Variants in N4BP2 observed in about 807,000 individuals in gnomAD.
The protein encoded by N4BP2 is NEDD4-binding protein 2.
In N4BP2, 91 loss-of-function variants were observed where a neutral mutation model predicts 152.8. The observed-to-expected ratio is 0.60, with a 90% CI of 0.50 to 0.71. N4BP2 has a LOEUF of 0.71. Among genes scored for constraint, N4BP2 ranks in the 30% least tolerant of loss-of-function variants. N4BP2 has a pLI of 0.00. For synonymous variants in N4BP2, 646 were observed against 705.3 expected (o/e 0.92, Z 1.33); for missense variants, 1,923 against 2,059.1 (o/e 0.93, Z 1.28).
rs139358932 is a variant in N4BP2 at position 40,139,029 on chromosome 4, T to C, written c.4785+1947T>C. ...AGACCAATTAACAATATTAAGTCTT[T>C]CAATTCATGAAATGGAGTATCTTTC... On this transcript the variant is annotated intron_variant, in intron 14 of 17. Coordinates refer to ENST00000261435, the MANE Select transcript of N4BP2 (RefSeq NM_018177.6). 6.4e-4 allele frequency among the ~76,000 whole-genome samples: 97 copies of C among 152,362 alleles called. 1 individual carries two copies. The East Asian group carries it at 0.017, about 27-fold the overall frequency.
chr4:40,130,051 T>C (rs188058623), intron 12 of N4BP2, among the ~76,000 whole-genome samples: 10 of 152,278 alleles, frequency 6.6e-5, no homozygotes, highest in Admixed American at 1.3e-4. Flanking sequence ...AATATTTTAA[T>C]TTATTTTTTT....
intron 15 of N4BP2, among the ~76,000 whole-genome samples, chr4:40,143,097 G>T (rs1720191695): frequency 6.6e-6 from 1 of 152,118 alleles, no homozygotes; most frequent in Non-Finnish European, 1.5e-5. Context: ...TACTGCTTAT[G>T]TGAATTACAG....
At chr4:40,162,830 G>A (rs989032109), downstream of N4BP2, among the ~76,000 whole-genome samples, 4 of 152,164 alleles carry the variant, frequency 2.6e-5, no homozygotes, top group Non-Finnish European at 5.9e-5. Context: ...GCAAGCAGGA[G>A]AACTAGGGAA....
At chr4:40,088,037 C>A (rs974117354) in intron 2 of N4BP2, among the ~76,000 whole-genome samples, 16 of 152,178 alleles carry the variant, frequency 1.1e-4, no homozygotes, top group Non-Finnish European at 1.5e-5. Context: ...GGATTACAGA[C>A]CGGAGCCACC....
chr4:40,103,241 T>TA (rs755611223), intron 4 of N4BP2, 23 bp downstream of exon 4: 24 of 1,555,452 alleles, frequency 1.5e-5, no homozygotes, highest in South Asian at 1.2e-5. Context: ...ATTGGGTTTT[T>TA]AAAAAATAGT....
At position 40,120,250 on chromosome 4, in the gene N4BP2, A is replaced by T; in HGVS notation, c.2139A>T (p.Lys713Asn). 6.2e-7 allele frequency: 1 copy of T among 1,613,962 alleles called. No homozygotes were observed. The highest frequency in any genetic ancestry group is 2.2e-5 in the East Asian group (1 of 44,868). Residue 713 changes from lysine to asparagine, a missense_variant, in exon 9 of 18, where the codon AAA (lysine) becomes AAT (asparagine). Coordinates refer to ENST00000261435, the MANE Select transcript of N4BP2 (RefSeq NM_018177.6). ...TGGTGGCTGTAAAAGGGTATAGTAAAACTGACACAGATAGTTCTATGGAGA... is the reference window on the plus strand; with the variant it reads ...TGGTGGCTGTAAAAGGGTATAGTAATACTGACACAGATAGTTCTATGGAGA... ...IEMVAVKGYSKTDTDSSMERV... is the reference protein window; with the variant it reads ...IEMVAVKGYSNTDTDSSMERV...
Position 40,120,278 on chromosome 4 carries a change from G to A in N4BP2, c.2167G>A (p.Val723Ile). Residue 723 changes from valine to isoleucine, a missense_variant, in exon 9 of 18, where the codon GTA (valine) becomes ATA (isoleucine). Transcript: ENST00000261435. ...TGACACAGATAGTTCTATGGAGAGA[G>A]TATCACCTAGTACTTGCTGTAGTGA... The part of the protein sequence containing the change: ...KTDTDSSMER[V>I]SPSTCCSENN... 11 of 1,613,690 alleles carry A rather than the reference G, an allele frequency of 6.8e-6. No individual in the cohort carries two copies. Among genetic ancestry groups the A allele is most frequent in the Non-Finnish European group, 9.3e-6 (11 of 1,179,846 alleles).
At position 40,102,443 on chromosome 4, in the gene N4BP2, G is replaced by T; in HGVS notation, c.598G>T (p.Gly200Cys). 6.2e-7 allele frequency: 1 copy of T among 1,612,712 alleles called. No individual in the cohort carries two copies. Among genetic ancestry groups the T allele is most frequent in the South Asian group, 1.1e-5 (1 of 90,860 alleles). The part of the protein sequence containing the change: ...IFSTQNMNLN[G>C]ENLENSGSTL... Reference sequence around the variant, plus strand: ...TTCTACACAAAATATGAATTTGAACGGTGAAAATTTAGAGAATTCTGGTTC... The same window carrying T: ...TTCTACACAAAATATGAATTTGAACTGTGAAAATTTAGAGAATTCTGGTTC... Residue 200 changes from glycine (G) to cysteine (C), a missense_variant, in exon 4 of 18, where the codon GGT becomes TGT. Transcript: ENST00000261435.
At chr4:40,059,797 G>A (rs571475160) in intron 1 of N4BP2, among the ~76,000 whole-genome samples, 2 of 152,288 alleles carry the variant, frequency 1.3e-5, no homozygotes, top group East Asian at 3.9e-4. Flanking sequence ...ACCAGGTGCT[G>A]TTTTAAGCAC....
the N4BP2 span, among the ~76,000 whole-genome samples, chr4:40,175,807 GAAAAA>G: frequency 6.2e-5 from 4 of 64,012 alleles, no homozygotes; most frequent in Admixed American, 7.3e-4. Flanking sequence ...CTCGTCTCAA[GAAAAA>G]AAAAAAAAAA....
chr4:40,176,920 C>G, the N4BP2 span, among the ~76,000 whole-genome samples: 2 of 152,298 alleles, frequency 1.3e-5, no homozygotes, highest in East Asian at 1.9e-4. Flanking sequence ...TCCCTGTTTT[C>G]CCCCGCTTTT....
At chr4:40,061,690 G>A (rs1426281827) in intron 1 of N4BP2, among the ~76,000 whole-genome samples, 1 of 150,076 alleles carries the variant, frequency 6.7e-6, no homozygotes, top group Non-Finnish European at 1.5e-5. Context: ...TTTGGGTGGA[G>A]TTTTGCTCTT....
intron 2 of N4BP2, among the ~76,000 whole-genome samples, chr4:40,074,358 T>C (rs781242946): frequency 5.7e-5 from 5 of 88,436 alleles, no homozygotes; most frequent in Non-Finnish European, 1.4e-4. Context: ...CCCAAAGTGC[T>C]GGAATTACAG....
In N4BP2 at chr4:40,112,182, A is replaced by T. The variant is rs191288937; in HGVS notation, c.1587+10A>T. The T allele has an allele frequency of 8.7e-6, 12 of 1,386,732 alleles. No individual in the cohort carries two copies. Among genetic ancestry groups the T allele is most frequent in the Non-Finnish European group, 1.2e-5 (12 of 993,368 alleles). The allele number at this position is 1,386,732 out of a possible 1,614,324, so 85.9% of individuals were successfully genotyped here. ...ACCATATGTTGCTTTGGTTAGTACC[A>T]TAAGTTGTCATAAGTTTATAACAGT... is the stretch of plus-strand genomic sequence containing the variant. On this transcript the variant is annotated intron_variant, in intron 6 of 17. Coordinates refer to ENST00000261435, the MANE Select transcript of N4BP2 (RefSeq NM_018177.6).
the N4BP2 span, among the ~76,000 whole-genome samples, chr4:40,171,191 C>T: frequency 3.3e-5 from 5 of 152,194 alleles, no homozygotes; most frequent in African/African-American, 4.8e-5. Context: ...TTCTGCCCTT[C>T]GCAAGTTCTT....
At chr4:40,152,633 A>G in intron 16 of N4BP2, 147 bp from the exon 17 acceptor site, 2 of 722,632 alleles carry the variant, frequency 2.8e-6, no homozygotes, top group Non-Finnish European at 4.5e-6. Flanking sequence ...TGAGATAGCA[A>G]ATCTGTCTTA....
In N4BP2 at chr4:40,121,075, A is replaced by C. The variant is rs747196174; in HGVS notation, c.2964A>C (p.Gly988=). 8 of 1,613,976 alleles carry C rather than the reference A, an allele frequency of 5.0e-6. No individual in the cohort carries two copies. The African/African-American group carries it at 1.1e-4, about 22-fold the overall frequency. The change falls in exon 9 of 18, where the codon GGA becomes GGC. Residue 988 remains glycine (G), a synonymous_variant. Coordinates refer to ENST00000261435, the MANE Select transcript of N4BP2 (RefSeq NM_018177.6). ...CCAATAGTGCACCAACTGTTTCTGG[A>C]GTAGTAGAACCACAAACGTTAGCTG... ...TFTNSAPTVS[G]VVEPQTLAEC... is the part of the protein sequence containing the mutation.
intron 1 of N4BP2, among the ~76,000 whole-genome samples, chr4:40,064,721 A>G (rs1035894409): frequency 6.6e-6 from 1 of 152,282 alleles, no homozygotes; most frequent in Non-Finnish European, 1.5e-5. Flanking sequence ...ATGCTTTGAG[A>G]TAGTGGGAAA....
intron 3 of N4BP2, among the ~76,000 whole-genome samples, chr4:40,098,960 C>T (rs1273771336): frequency 6.6e-6 from 1 of 152,154 alleles, no homozygotes; most frequent in Non-Finnish European, 1.5e-5. Flanking sequence ...GGTTTCTAAT[C>T]TACTGAGTTG....
Sources: gnomAD v4.1 joint callset for allele counts (sites outside exome capture counted in the v4.1 genomes callset) on GRCh38, gnomAD v4.1.1 for gene constraint, MANE v1.5 for transcripts, NCBI Gene and HGNC (gene_info 2026-07-23, HGNC 2026-07-21) for gene names.